The following DTWD2 variants were observed in gnomAD, a reference collection of about 807,000 sequenced individuals.
DTWD2 encodes the protein tRNA-uridine aminocarboxypropyltransferase 2.
DTWD2 carries 39 observed loss-of-function variants against 31.8 expected under a neutral mutation model. The observed-to-expected ratio is 1.22, with a 90% CI of 0.95 to 1.60. The LOEUF is 1.60. Ranked by LOEUF, DTWD2 falls within the 40% of genes most tolerant of loss-of-function variation. The pLI is 0.00. For missense variants in DTWD2, 515 were observed against 381.5 expected, an observed-to-expected ratio of 1.35 and a Z score of -2.92; for synonymous variants, 180 against 142.8, an observed-to-expected ratio of 1.26 and a Z score of -1.86.
intron 1 of DTWD2, among the ~76,000 whole-genome samples, chr5:118,954,555 C>G (rs2149590362): frequency 6.6e-6 from 1 of 152,140 alleles, no homozygotes; most frequent in Admixed American, 6.5e-5. Context: ...ACTCTGTCAC[C>G]CAGGCTGGAG....
chr5:118,874,607 T>A (rs1752580992), intron 4 of DTWD2, among the ~76,000 whole-genome samples: 1 of 151,988 alleles, frequency 6.6e-6, no homozygotes, highest in East Asian at 1.9e-4. Flanking sequence ...GAGGAAAGAA[T>A]CTCAGAGCTT....
At chr5:118,863,825 C>T (rs1287615399) in intron 4 of DTWD2, among the ~76,000 whole-genome samples, 1 of 151,986 alleles carries the variant, frequency 6.6e-6, no homozygotes, top group Non-Finnish European at 1.5e-5. Context: ...ATAATAGTTC[C>T]TGTGTCCAAA....
At chr5:118,893,040 G>A (rs569099666) in intron 4 of DTWD2, among the ~76,000 whole-genome samples, 11 of 151,656 alleles carry the variant, frequency 7.3e-5, no homozygotes, top group South Asian at 6.2e-4. Context: ...ATATATATAC[G>A]CAAAGGAATA....
intron 1 of DTWD2, chr5:118,974,102 C>A: frequency 6.3e-7 from 1 of 1,594,948 alleles, no homozygotes; most frequent in South Asian, 1.1e-5. Flanking sequence ...TACCAAGAAG[C>A]AGAAGACCGA....
intron 3 of DTWD2, among the ~76,000 whole-genome samples, chr5:118,935,938 A>G (rs996030728): frequency 6.6e-6 from 1 of 152,224 alleles, no homozygotes; most frequent in East Asian, 1.9e-4. Flanking sequence ...ACTGAGGAAT[A>G]TAGTCTTTTC....
intron 4 of DTWD2, among the ~76,000 whole-genome samples, chr5:118,881,005 T>C (rs1300269906): frequency 6.6e-6 from 1 of 152,216 alleles, no homozygotes; most frequent in Admixed American, 6.5e-5. Context: ...ATTAGTAACT[T>C]CATCCAACAG....
intron 4 of DTWD2, among the ~76,000 whole-genome samples, chr5:118,866,400 TG>T (rs1434962238): frequency 6.6e-6 from 1 of 152,134 alleles, no homozygotes; most frequent in African/African-American, 2.4e-5. Flanking sequence ...AAGAAAGCCA[TG>T]GGTCAATTAC....
rs533005148 is a variant in DTWD2, at chr5:118,837,203, G to T, written c.*3714C>A. 6.6e-6 allele frequency: 1 copy of T among 152,272 alleles called. No homozygotes were observed. Among genetic ancestry groups the T allele is most frequent in the East Asian group, 1.9e-4 (1 of 5,182 alleles). The allele number at this position is 152,272 out of a possible 1,614,324, so 9.4% of individuals were successfully genotyped here. ...GAAGAAAGTGTGAAGAGAAAAGAGA[G>T]AGAATATGCTTTAAGTTAATGTAGC... is the stretch of plus-strand genomic sequence containing the variant. On this transcript the variant is annotated 3_prime_UTR_variant, in exon 6 of 6. Coordinates refer to ENST00000510708, the MANE Select transcript of DTWD2 (RefSeq NM_173666.4).
chr5:118,916,781 G>T (rs1317371500), intron 4 of DTWD2, among the ~76,000 whole-genome samples: 3 of 151,796 alleles, frequency 2.0e-5, no homozygotes, highest in Non-Finnish European at 4.4e-5. Flanking sequence ...TATCTAAAAT[G>T]ATACAATTTT....
intron 4 of DTWD2, among the ~76,000 whole-genome samples, chr5:118,859,182 G>A (rs1224305000): frequency 4.0e-5 from 6 of 150,710 alleles, no homozygotes; most frequent in East Asian, 3.9e-4. Context: ...AGATTTCCTC[G>A]GTATCTAGCT....
intron 1 of DTWD2, chr5:118,973,657 GGCAGCCTCCTTGCTCGCC>G (rs1392269996): frequency 1.4e-5 from 6 of 431,762 alleles, no homozygotes; most frequent in East Asian, 2.0e-4. Flanking sequence ...CCTTGCTCGC[GGCAGCCTCCTTGCTCGCC>G]GCAGCCGCCT....
intron 4 of DTWD2, among the ~76,000 whole-genome samples, chr5:118,892,029 A>T (rs1410618669): frequency 6.6e-6 from 1 of 152,182 alleles, no homozygotes; most frequent in Non-Finnish European, 1.5e-5. Flanking sequence ...TTTTAATAAT[A>T]TTTTATTTAA....
chr5:118,910,167 AG>A (rs1753425627), intron 4 of DTWD2, among the ~76,000 whole-genome samples: 1 of 152,208 alleles, frequency 6.6e-6, no homozygotes, highest in South Asian at 2.1e-4. Flanking sequence ...AATCTTTAAA[AG>A]TTCTGCTCCT....
At chr5:118,958,929 G>C (rs115385711) in intron 1 of DTWD2, among the ~76,000 whole-genome samples, 369 of 152,162 alleles carry the variant, frequency 2.4e-3, no homozygotes, top group Middle Eastern at 6.8e-3. Flanking sequence ...CAACAAACTA[G>C]GCACTAAAGG....
intron 4 of DTWD2, among the ~76,000 whole-genome samples, chr5:118,920,152 T>C (rs1753669618): frequency 6.6e-6 from 1 of 152,106 alleles, no homozygotes; most frequent in Non-Finnish European, 1.5e-5. Context: ...TTTAAGCCAC[T>C]CAGTCTTTGG....
At chr5:118,912,961 C>T (rs144954915) in intron 4 of DTWD2, among the ~76,000 whole-genome samples, 109 of 152,222 alleles carry the variant, frequency 7.2e-4, no homozygotes, top group African/African-American at 2.5e-3. Flanking sequence ...TTAATTTGAT[C>T]CACAACGAAA....
chr5:118,939,346 A>G, intron 2 of DTWD2, 56 bp from the exon 3 acceptor site: 1 of 1,373,248 alleles, frequency 7.3e-7, no homozygotes, highest in Non-Finnish European at 9.7e-7. Context: ...ACACACTTTT[A>G]AATATTTTAT....
At chr5:118,976,911 T>C (rs995591921) in intron 1 of DTWD2, among the ~76,000 whole-genome samples, 2 of 152,220 alleles carry the variant, frequency 1.3e-5, no homozygotes, top group African/African-American at 4.8e-5. Flanking sequence ...CCAATATCCC[T>C]GATGAACATC....
chr5:118,868,699 T>G (rs1368414831), intron 4 of DTWD2, among the ~76,000 whole-genome samples: 1 of 151,682 alleles, frequency 6.6e-6, no homozygotes, highest in Non-Finnish European at 1.5e-5. Context: ...ATTAGCCAGT[T>G]GTGGTGGCAT....
Sources: gnomAD v4.1 joint callset for allele counts (sites outside exome capture counted in the v4.1 genomes callset) on GRCh38, gnomAD v4.1.1 for gene constraint, MANE v1.5 for transcripts, NCBI Gene and HGNC (gene_info 2026-07-23, HGNC 2026-07-21) for gene names.